Variants in FBXO7 observed in about 807,000 individuals in gnomAD.
FBXO7 encodes F-box protein 7, also known as F-box only protein 7.
In FBXO7, 31 loss-of-function variants were observed where a neutral mutation model predicts 50.2. That is an observed-to-expected ratio of 0.62 (90% confidence interval 0.46 to 0.83). The LOEUF (loss-of-function observed/expected upper bound fraction) is 0.83. FBXO7 is among the 40% of genes least tolerant of loss of function. The probability of loss-of-function intolerance (pLI) is 0.00; values close to 1 mark genes in which losing one functional copy is unlikely to be tolerated. For synonymous variants in FBXO7, 256 were observed against 253.1 expected (o/e 1.01, Z -0.11); for missense variants, 667 against 646.6 (o/e 1.03, Z -0.34).
chr22:32,481,911 G>T (rs565007341), intron 2 of FBXO7, among the ~76,000 whole-genome samples: 47 of 150,834 alleles, frequency 3.1e-4, no homozygotes, highest in African/African-American at 1.1e-3. Context: ...CACATGTGAA[G>T]AATTTGATAA....
At chr22:32,481,179 T>C (rs2057462529) in intron 2 of FBXO7, among the ~76,000 whole-genome samples, 1 of 151,462 alleles carries the variant, frequency 6.6e-6, no homozygotes, top group Non-Finnish European at 1.5e-5. Flanking sequence ...AATAGATTGG[T>C]AAATTGTGAA....
At chr22:32,486,498 A>G (rs1209698100) in intron 4 of FBXO7, among the ~76,000 whole-genome samples, 2 of 151,794 alleles carry the variant, frequency 1.3e-5, no homozygotes, top group African/African-American at 2.4e-5. Context: ...ACACCTGGCT[A>G]TTTTTTATTT....
rs762999184 is a variant in FBXO7 at position 32,478,989 on chromosome 22, C to T, written c.131C>T (p.Thr44Ile). Residue 44 changes from threonine to isoleucine, a missense_variant, in exon 2 of 9, where the codon ACC becomes ATC. By Grantham distance (89) the Thr-to-Ile change is moderately conservative. Transcript: ENST00000266087. ...TCTGTCTTTCTTGGCAGTTCTAATA[C>T]CCGATTTACAATTACATTGAACTAC... is the stretch of plus-strand genomic sequence containing the variant. ...LLCTWGYSSN[T>I]RFTITLNYKD... The T allele has an allele frequency of 1.9e-6, 3 of 1,614,036 alleles. No individual in the cohort carries two copies. The highest frequency in any genetic ancestry group is 2.2e-5 in the East Asian group (1 of 44,894).
Position 32,479,157 on chromosome 22 carries a change from A to C in FBXO7, c.299A>C (p.Asn100Thr). 1 of 1,614,192 alleles carries C rather than the reference A, an allele frequency of 6.2e-7. No individual in the cohort carries two copies. The highest frequency in any genetic ancestry group is 8.5e-7 in the Non-Finnish European group (1 of 1,180,048). ...GATTCAGAGCATTCTTCACTCCAGAATAATGAGCAACCCTCTTTGGCCACC... is the reference window on the plus strand; with the variant it reads ...GATTCAGAGCATTCTTCACTCCAGACTAATGAGCAACCCTCTTTGGCCACC... Reference protein sequence around the residue: ...STDSEHSSLQNNEQPSLATSS... With the variant: ...STDSEHSSLQTNEQPSLATSS... The change falls in exon 2 of 9, where the codon AAT becomes ACT. Residue 100 changes from asparagine to threonine, a missense_variant. Physicochemically the swap from Asn to Thr is moderately conservative, Grantham distance 65. Transcript: ENST00000266087.
At chr22:32,478,375 GAT>G (rs1025351944) in intron 1 of FBXO7, among the ~76,000 whole-genome samples, 12 of 152,138 alleles carry the variant, frequency 7.9e-5, no homozygotes, top group Admixed American at 6.5e-4. Flanking sequence ...GCTGTCAATT[GAT>G]ATGTCATTGA....
intron 1 of FBXO7, among the ~76,000 whole-genome samples, chr22:32,478,440 G>A (rs1401304541): frequency 6.6e-6 from 1 of 152,222 alleles, no homozygotes; most frequent in East Asian, 1.9e-4. Context: ...GTGCATCTTA[G>A]AATTGAGGAA....
intron 5 of FBXO7, chr22:32,488,663 C>T (rs1192956754): frequency 6.6e-6 from 1 of 152,200 alleles, no homozygotes; most frequent in Admixed American, 6.5e-5. Flanking sequence ...GCTTTGAAGG[C>T]CTAAAGGCTT....
chr22:32,484,993 G>A, intron 3 of FBXO7, 75 bp from the exon 4 acceptor site: 1 of 1,583,030 alleles, frequency 6.3e-7, no homozygotes, highest in Non-Finnish European at 8.7e-7. Flanking sequence ...CAAGTTAGGA[G>A]TCTTTTGGAT....
At position 32,475,026 on chromosome 22, in the gene FBXO7, G is replaced by T; in HGVS notation, c.24G>T (p.Leu8=). The T allele has an allele frequency of 6.5e-7, 1 of 1,540,792 alleles. No individual in the cohort carries two copies. Among genetic ancestry groups the T allele is most frequent in the East Asian group, 2.5e-5 (1 of 40,548 alleles). MRLRVRL[L]KRTWPLEVPE... ...TCATGAGGCTGCGGGTGCGGCTTCT[G>T]AAGCGGACCTGGCCGCTGGAGGTGC... The change falls in exon 1 of 9, where the codon CTG becomes CTT. Residue 8 remains leucine, a synonymous_variant. Coordinates refer to ENST00000266087, the MANE Select transcript of FBXO7 (RefSeq NM_012179.4).
At chr22:32,482,396 C>T (rs1394448263) in intron 2 of FBXO7, among the ~76,000 whole-genome samples, 2 of 152,186 alleles carry the variant, frequency 1.3e-5, no homozygotes, top group Admixed American at 6.5e-5. Flanking sequence ...TTTTAATTTC[C>T]TTTGCCCCTT....
chr22:32,493,307 A>G, intron 7 of FBXO7, 26 bp downstream of exon 7: 1 of 1,597,884 alleles, frequency 6.3e-7, no homozygotes, highest in Non-Finnish European at 8.6e-7. Context: ...ACATATTCAC[A>G]AGAAAGGGCT....
chr22:32,483,803 T>C (rs1370139024), intron 2 of FBXO7, 94 bp from the exon 3 acceptor site: 3 of 1,125,534 alleles, frequency 2.7e-6, no homozygotes, highest in Non-Finnish European at 4.0e-6. Context: ...ATGATGTACT[T>C]TGACTTTCAG....
At position 32,480,674 on chromosome 22, in the gene FBXO7, C is replaced by CT. The variant is rs369355883; in HGVS notation, c.417+1411dup. Among the ~76,000 whole-genome samples the CT allele has an allele frequency of 7.4e-4, 107 of 145,310 alleles. No individual in the cohort carries two copies. In the Middle Eastern group the frequency reaches 0.014, roughly 19 times the overall value. On this transcript the variant is annotated intron_variant, in intron 2 of 8. Transcript: ENST00000266087. Reference sequence around the variant, plus strand: ...GTACATGCCTCCTCATTTTTCCCACCTTTTTTTTTTTTGGTGACAGGATCC... The same window carrying CT: ...GTACATGCCTCCTCATTTTTCCCACCTTTTTTTTTTTTTGGTGACAGGATCC...
At chr22:32,495,269 T>C (rs373128665) in intron 7 of FBXO7, among the ~76,000 whole-genome samples, 1 of 152,168 alleles carries the variant, frequency 6.6e-6, no homozygotes, top group South Asian at 2.1e-4. Context: ...TGAATTACCA[T>C]GTAGCACAGA....
At chr22:32,484,610 TACTC>T (rs1452377896) in intron 3 of FBXO7, among the ~76,000 whole-genome samples, 2 of 152,142 alleles carry the variant, frequency 1.3e-5, no homozygotes, top group African/African-American at 4.8e-5. Context: ...AATAAAAAGA[TACTC>T]AGAAATAACA....
At chr22:32,481,811 T>G (rs1039614663) in intron 2 of FBXO7, among the ~76,000 whole-genome samples, 1 of 152,322 alleles carries the variant, frequency 6.6e-6, no homozygotes, top group East Asian at 1.9e-4. Flanking sequence ...TCATGCATCT[T>G]AGTCACTTGT....
At chr22:32,488,769 A>C (rs2057515530) in intron 5 of FBXO7, 1 of 152,198 alleles carries the variant, frequency 6.6e-6, no homozygotes. Context: ...CATATTTATA[A>C]CGGTCTCTGA....
At chr22:32,491,776 A>G (rs2057538997) in intron 6 of FBXO7, 1 of 152,160 alleles carries the variant, frequency 6.6e-6, no homozygotes, top group East Asian at 1.9e-4. Flanking sequence ...TATTTTATAG[A>G]TGATGAAATC....
At position 32,484,050 on chromosome 22, in the gene FBXO7, G is replaced by C. The variant is rs1021814487; in HGVS notation, c.571G>C (p.Asp191His). ...HSLETLYQSA[D>H]CSDANDALIV... ...ATTAGAGACCTTGTATCAATCAGCT[G>C]ACTGTTCTGATGCCAATGATGCCTT... Residue 191 changes from aspartate to histidine, a missense_variant, in exon 3 of 9, where the codon GAC becomes CAC. Asp to His is a moderately conservative substitution (Grantham distance 81, BLOSUM62 -1). Transcript: ENST00000266087. 1.2e-6 allele frequency: 2 copies of C among 1,614,158 alleles called. No individual in the cohort carries two copies. Among genetic ancestry groups the C allele is most frequent in the Non-Finnish European group, 1.7e-6 (2 of 1,180,014 alleles).
Sources: gnomAD v4.1 joint callset for allele counts (sites outside exome capture counted in the v4.1 genomes callset) on GRCh38, gnomAD v4.1.1 for gene constraint, MANE v1.5 for transcripts, NCBI Gene and HGNC (gene_info 2026-07-23, HGNC 2026-07-21) for gene names.